CRYBG1: variants seen among roughly 807,000 people sequenced by gnomAD.
CRYBG1 encodes crystallin beta-gamma domain containing 1, also known as beta/gamma crystallin domain-containing protein 1.
CRYBG1 carries 139 observed loss-of-function variants against 189.2 expected under a neutral mutation model. That is an observed-to-expected ratio of 0.73 (90% CI 0.64 to 0.85). CRYBG1 has a LOEUF of 0.85. CRYBG1 is among the 40% of genes least tolerant of loss of function. CRYBG1 has a pLI of 0.00. For synonymous variants in CRYBG1, 1,023 were observed against 1,017.1 expected (o/e 1.01, Z -0.11); for missense variants, 2,611 against 2,675.8 (o/e 0.98, Z 0.53).
intron 1 of CRYBG1, among the ~76,000 whole-genome samples, chr6:106,425,552 G>T (rs1477575739): frequency 6.6e-6 from 1 of 152,178 alleles, no homozygotes; most frequent in African/African-American, 2.4e-5. Context: ...ACTGACATAT[G>T]CAGTTCACTA....
intron 2 of CRYBG1, among the ~76,000 whole-genome samples, chr6:106,486,923 G>C (rs1772602822): frequency 3.3e-5 from 5 of 151,938 alleles, no homozygotes; most frequent in Admixed American, 3.3e-4. Context: ...GTTATTGATA[G>C]GTAAGGACTT....
rs1774456668 is a variant in CRYBG1, at chr6:106,553,516, G to A, written c.5534G>A (p.Ser1845Asn). 4 of 1,613,958 alleles carry A rather than the reference G, an allele frequency of 2.5e-6. No individual in the cohort carries two copies. In the Admixed American group the frequency reaches 6.7e-5, roughly 27 times the overall value. ...GHSQSFEETT[S>N]QIDDSFSTKS... is the part of the protein sequence containing the mutation. The stretch of plus-strand genomic sequence containing the variant: ...AGTCAAAGTTTTGAAGAAACAACAA[G>A]TCAAATTGATGATTCATTTTCTACC... Residue 1845 changes from serine to asparagine, a missense_variant, in exon 16 of 22, where the codon AGT (serine) becomes AAT (asparagine). Ser to Asn is a conservative substitution (Grantham distance 46). Around this residue, in one of 3 missense-constraint regions of CRYBG1, gnomAD observed 1,622 missense variants for 1,735.0 expected, o/e 0.93. Coordinates refer to ENST00000633556, the MANE Select transcript of CRYBG1 (RefSeq NM_001371242.2).
intron 7 of CRYBG1, among the ~76,000 whole-genome samples, chr6:106,528,413 C>T (rs1023388066): frequency 2.6e-5 from 4 of 152,118 alleles, no homozygotes; most frequent in South Asian, 2.1e-4. Flanking sequence ...ATCTGATTCC[C>T]ACCATCATGA....
At chr6:106,368,397 C>T (rs1769942389) in intron 1 of CRYBG1, among the ~76,000 whole-genome samples, 2 of 152,158 alleles carry the variant, frequency 1.3e-5, no homozygotes, top group South Asian at 4.1e-4. Context: ...GTCTGGTCAA[C>T]ATGAGAAGAT....
Position 106,490,215 on chromosome 6 carries a change from T to C in CRYBG1, c.313-21215T>C, listed in dbSNP as rs573137852. On this transcript the variant is annotated intron_variant, in intron 2 of 21. Coordinates refer to ENST00000633556, the MANE Select transcript of CRYBG1 (RefSeq NM_001371242.2). Reference sequence around the variant, plus strand: ...AGCCAGGAGAATCCCTCCTTCACCCTGGTGTGAATGCAGGCTGTTTCCCCT... The same window carrying C: ...AGCCAGGAGAATCCCTCCTTCACCCCGGTGTGAATGCAGGCTGTTTCCCCT... Among the ~76,000 whole-genome samples, 8 of 152,368 alleles carry C rather than the reference T, an allele frequency of 5.3e-5. No individual in the cohort carries two copies. In the South Asian group the frequency reaches 1.2e-3, roughly 24 times the overall value.
At position 106,544,696 on chromosome 6, in the gene CRYBG1, G is replaced by T. The variant is rs1377537616; in HGVS notation, c.5165G>T (p.Gly1722Val). 1 of 1,613,396 alleles carries T rather than the reference G, an allele frequency of 6.2e-7. No individual in the cohort carries two copies. The stretch of plus-strand genomic sequence containing the variant: ...CTTCAGTCTTTACGACCTATATTAG[G>T]TGTAAGTAAAGGACAAGCTAATGGC... ...GELQSLRPIL[G>V]DFSNAHMIMY... The change falls in exon 12 of 22, where the codon GGT becomes GTT. Residue 1722 changes from glycine (G) to valine (V), a missense_variant and splice_region_variant. By Grantham distance (109) the Gly-to-Val change is moderately radical. This residue lies in a region of CRYBG1 where 1,622 missense variants were observed against 1,735.0 expected (regional missense o/e 0.93). Transcript: ENST00000633556.
chr6:106,409,175 G>A (rs541749795), intron 1 of CRYBG1, among the ~76,000 whole-genome samples: 1 of 152,154 alleles, frequency 6.6e-6, no homozygotes, highest in Non-Finnish European at 1.5e-5. Flanking sequence ...CTTCAGCAAA[G>A]TCTCAGGATA....
chr6:106,505,297 T>A (rs935125941), intron 2 of CRYBG1, among the ~76,000 whole-genome samples: 4 of 152,138 alleles, frequency 2.6e-5, no homozygotes, highest in African/African-American at 9.7e-5. Context: ...GGTTTCATCA[T>A]GTTAGCCAGG....
In CRYBG1 at chr6:106,541,293, G is replaced by A. The variant is rs1334324949; in HGVS notation, c.4846-293G>A. On this transcript the variant is annotated intron_variant, in intron 9 of 21. Transcript: ENST00000633556. ...AGCTCTTGGAACTGCTTTTTCAAGA[G>A]AAGTATGGATTTTTATGATAAATTT... is the stretch of plus-strand genomic sequence containing the variant. 4 of 554,764 alleles carry A rather than the reference G, an allele frequency of 7.2e-6. No individual in the cohort carries two copies. In the African/African-American group the frequency reaches 7.5e-5, roughly 10 times the overall value. 34.4% of individuals were successfully genotyped at this position (554,764 alleles called of 1,614,324 possible).
intron 2 of CRYBG1, among the ~76,000 whole-genome samples, chr6:106,509,050 G>A (rs1773190862): frequency 6.6e-6 from 1 of 152,192 alleles, no homozygotes. Context: ...CATATACTTA[G>A]TTGGTTTATT....
chr6:106,547,269 G>A (rs1774286146), intron 13 of CRYBG1, among the ~76,000 whole-genome samples: 1 of 152,110 alleles, frequency 6.6e-6, no homozygotes, highest in Non-Finnish European at 1.5e-5. Context: ...CCAGGGCCAG[G>A]TGCTTCCTCA....
chr6:106,544,432 A>T, intron 11 of CRYBG1, 139 bp from the exon 12 acceptor site: 2 of 996,266 alleles, frequency 2.0e-6, no homozygotes, highest in Non-Finnish European at 2.8e-6. Context: ...CCTAAATTTT[A>T]AAGAATTCCA....
intron 1 of CRYBG1, among the ~76,000 whole-genome samples, chr6:106,365,394 C>G (rs1246003829): frequency 6.6e-6 from 1 of 151,072 alleles, no homozygotes; most frequent in Non-Finnish European, 1.5e-5. Flanking sequence ...GCCATTGCAC[C>G]CCAGACTGGG....
At chr6:106,499,707 T>C (rs2114507407) in intron 2 of CRYBG1, among the ~76,000 whole-genome samples, 1 of 152,290 alleles carries the variant, frequency 6.6e-6, no homozygotes, top group Admixed American at 6.5e-5. Flanking sequence ...CTTTTAGCAA[T>C]TTTAAAATAT....
At chr6:106,386,860 G>A (rs960063244) in intron 1 of CRYBG1, among the ~76,000 whole-genome samples, 36 of 152,120 alleles carry the variant, frequency 2.4e-4, no homozygotes, top group African/African-American at 7.5e-4. Flanking sequence ...ACCACTATCC[G>A]TCCATGGCCC....
intron 1 of CRYBG1, among the ~76,000 whole-genome samples, chr6:106,394,562 C>T (rs1466131489): frequency 1.6e-4 from 24 of 152,126 alleles, no homozygotes; most frequent in Non-Finnish European, 2.9e-5. Flanking sequence ...GACTTTTATT[C>T]CCAGCATTGT....
At chr6:106,558,967 T>TTA (rs999928300) in intron 18 of CRYBG1, among the ~76,000 whole-genome samples, 12 of 147,492 alleles carry the variant, frequency 8.1e-5, no homozygotes, top group African/African-American at 2.7e-4. Flanking sequence ...TATCTTAATT[T>TTA]AAAAAAAAAA....
intron 9 of CRYBG1, among the ~76,000 whole-genome samples, 178 bp downstream of exon 9, chr6:106,539,707 A>T (rs1470326613): frequency 3.2e-5 from 2 of 62,258 alleles, no homozygotes; most frequent in Non-Finnish European, 9.1e-5. Context: ...ATAGATTAAA[A>T]AAAAAAAAAA....
chr6:106,563,078 A>G (rs1244785346), intron 20 of CRYBG1, among the ~76,000 whole-genome samples: 1 of 152,198 alleles, frequency 6.6e-6, no homozygotes, highest in Non-Finnish European at 1.5e-5. Flanking sequence ...TACAGTTGTG[A>G]GCCACTGTAC....
Sources: allele counts gnomAD v4.1 joint callset (sites outside exome capture counted in the v4.1 genomes callset), GRCh38; gene constraint gnomAD v4.1.1; regional missense constraint gnomAD v4.1.1; transcripts MANE v1.5; gene names NCBI Gene and HGNC (gene_info 2026-07-23, HGNC 2026-07-21).